The following STEAP1B variants were observed in gnomAD, a reference collection of about 807,000 sequenced individuals.
The protein encoded by STEAP1B is STEAP family protein MGC87042.
In STEAP1B, 13 loss-of-function variants were observed where a neutral mutation model predicts 27.9. The observed-to-expected ratio is 0.47, with a 90% confidence interval of 0.30 to 0.74. The LOEUF (loss-of-function observed/expected upper bound fraction) is 0.74, where lower values mean the gene tolerates loss of function less well. Ranked by LOEUF, STEAP1B falls within the 30% of genes least tolerant of loss-of-function variation. STEAP1B has a pLI of 0.06. For synonymous variants in STEAP1B, 86 were observed against 107.1 expected, an observed-to-expected ratio of 0.80 and a Z score of 1.22; for missense variants, 250 against 298.7, an observed-to-expected ratio of 0.84 and a Z score of 1.20.
intron 4 of STEAP1B, among the ~76,000 whole-genome samples, chr7:22,456,932 A>G (rs911088155): frequency 1.5e-5 from 2 of 131,988 alleles, no homozygotes; most frequent in Admixed American, 1.6e-4. Flanking sequence ...CCTGATTCAG[A>G]ATGGGGGTGG....
intron 4 of STEAP1B, among the ~76,000 whole-genome samples, chr7:22,475,145 C>T (rs1320583408): frequency 6.6e-6 from 1 of 152,182 alleles, no homozygotes; most frequent in Non-Finnish European, 1.5e-5. Flanking sequence ...TTTATCCCCA[C>T]CTAAAAATGT....
chr7:22,470,088 A>T (rs753433617), intron 4 of STEAP1B, among the ~76,000 whole-genome samples: 10 of 152,210 alleles, frequency 6.6e-5, no homozygotes, highest in Non-Finnish European at 1.2e-4. Context: ...CAATGAGTAC[A>T]TCCATTGCCC....
intron 4 of STEAP1B, among the ~76,000 whole-genome samples, chr7:22,456,974 T>TATATATATATATATATATA (rs1562573770): frequency 2.0e-5 from 1 of 50,234 alleles, no homozygotes; most frequent in African/African-American, 8.8e-5. Context: ...ATATATATAT[T>TATATATATATATATATATA]TTTTTTTTTT....
chr7:22,466,639 T>C (rs942070598), intron 4 of STEAP1B, among the ~76,000 whole-genome samples: 3 of 152,060 alleles, frequency 2.0e-5, no homozygotes, highest in Non-Finnish European at 4.4e-5. Context: ...TTGGAAACCC[T>C]AGTAAACAAT....
intron 4 of STEAP1B, among the ~76,000 whole-genome samples, chr7:22,473,468 TCTA>T (rs1423443141): frequency 6.6e-6 from 1 of 152,194 alleles, no homozygotes; most frequent in East Asian, 1.9e-4. Context: ...CAATGCCACT[TCTA>T]CTACCATCCA....
intron 3 of STEAP1B, 117 bp from the exon 4 acceptor site, chr7:22,492,846 A>C (rs1385546952): frequency 5.7e-6 from 8 of 1,411,664 alleles, no homozygotes; most frequent in Non-Finnish European, 7.4e-6. Flanking sequence ...AGGTCTCCAC[A>C]AATTTATGAC....
chr7:22,492,850 TTA>T, intron 3 of STEAP1B, 121 bp from the exon 4 acceptor site: 1 of 1,414,514 alleles, frequency 7.1e-7, no homozygotes, highest in Non-Finnish European at 9.2e-7. Context: ...CTCCACAAAT[TTA>T]TGACTTTTTC....
At chr7:22,462,248 T>C (rs997053628) in intron 4 of STEAP1B, among the ~76,000 whole-genome samples, 2 of 151,990 alleles carry the variant, frequency 1.3e-5, no homozygotes, top group Non-Finnish European at 2.9e-5. Flanking sequence ...ATTATTATTA[T>C]ACTTTAAGTT....
chr7:22,432,950 A>G (rs1037869155), intron 4 of STEAP1B, among the ~76,000 whole-genome samples: 2 of 152,210 alleles, frequency 1.3e-5, no homozygotes, highest in African/African-American at 4.8e-5. Context: ...CAGTTGCTTC[A>G]TGAGCTCAAC....
chr7:22,490,443 G>T lies in STEAP1B; in HGVS notation c.762+2122C>A, dbSNP rs114061808. Among the ~76,000 whole-genome samples, 508 of 152,212 alleles carry T rather than the reference G, an allele frequency of 3.3e-3. 5 individuals carry two copies. Among genetic ancestry groups the T allele is most frequent in the African/African-American group, 0.012 (495 of 41,518 alleles). On this transcript the variant is annotated intron_variant, in intron 4 of 4. Coordinates refer to ENST00000678116, the MANE Select transcript of STEAP1B (RefSeq NM_001382447.1). The stretch of plus-strand genomic sequence containing the variant: ...ACTAAATGGTCCATGTTTACTAAAT[G>T]ATCCATTGGTTAGATCCGTTTCCTT...
chr7:22,444,450 T>C (rs1039094887), intron 4 of STEAP1B, among the ~76,000 whole-genome samples: 15 of 152,064 alleles, frequency 9.9e-5, no homozygotes, highest in African/African-American at 3.4e-4. Flanking sequence ...AAAGAAAATA[T>C]AAATTCCTTT....
chr7:22,456,972 A>ATATATATATATATATTTT lies in STEAP1B; in HGVS notation c.762+35592_762+35593insAAAATATATATATATATA. On this transcript the variant is annotated intron_variant, in intron 4 of 4. Coordinates refer to ENST00000678116, the MANE Select transcript of STEAP1B (RefSeq NM_001382447.1). ...GGCAGCTATATATATATATATATAT[A>ATATATATATATATATTTT]TTTTTTTTTTTTTTAAGTATCCTGG... Among the ~76,000 whole-genome samples the ATATATATATATATATTTT allele has an allele frequency of 3.9e-4, 22 of 57,042 alleles. 1 individual carries two copies. Among genetic ancestry groups the ATATATATATATATATTTT allele is most frequent in the African/African-American group, 1.5e-3 (22 of 14,248 alleles). The allele number at this position is 57,042 out of a possible 152,430, so 37.4% of individuals were successfully genotyped here.
chr7:22,444,185 G>A (rs894392715), intron 4 of STEAP1B, among the ~76,000 whole-genome samples: 8 of 152,178 alleles, frequency 5.3e-5, no homozygotes, highest in African/African-American at 9.7e-5. Context: ...GACCTTTAAC[G>A]TCTCTAGGCC....
chr7:22,440,537 G>C (rs1482532925), intron 4 of STEAP1B, among the ~76,000 whole-genome samples: 1 of 152,086 alleles, frequency 6.6e-6, no homozygotes, highest in Non-Finnish European at 1.5e-5. Context: ...TGTTAAAATT[G>C]AGAATACTCC....
intron 4 of STEAP1B, among the ~76,000 whole-genome samples, chr7:22,464,777 C>G (rs1306085355): frequency 6.6e-6 from 1 of 151,076 alleles, no homozygotes; most frequent in Non-Finnish European, 1.5e-5. Flanking sequence ...ACACCTTGGT[C>G]TTGAAACTCC....
chr7:22,464,554 G>A (rs931495776), intron 4 of STEAP1B, among the ~76,000 whole-genome samples: 1 of 152,122 alleles, frequency 6.6e-6, no homozygotes, highest in Non-Finnish European at 1.5e-5. Flanking sequence ...ACCATATTTG[G>A]AGACAGTGCC....
At chr7:22,439,499 G>A (rs2528845) in intron 4 of STEAP1B, among the ~76,000 whole-genome samples, 125,381 of 152,010 alleles carry the variant, frequency 0.82, 51,791 homozygotes, top group South Asian at 0.89. Flanking sequence ...CAGGTAAAAC[G>A]TCTGACATTG....
chr7:22,499,213 T>C (rs1374403683), intron 1 of STEAP1B, among the ~76,000 whole-genome samples: 1 of 152,228 alleles, frequency 6.6e-6, no homozygotes, highest in Non-Finnish European at 1.5e-5. Context: ...TGCCCTGGTG[T>C]TCCTAAATGT....
intron 4 of STEAP1B, among the ~76,000 whole-genome samples, chr7:22,449,108 C>T (rs1785448946): frequency 7.0e-6 from 1 of 143,298 alleles, no homozygotes; most frequent in Admixed American, 7.9e-5. Flanking sequence ...ATGGGGTACC[C>T]ATCCCAAGCA....
Sources: allele counts gnomAD v4.1 joint callset (sites outside exome capture counted in the v4.1 genomes callset), GRCh38; gene constraint gnomAD v4.1.1; transcripts MANE v1.5; gene names NCBI Gene and HGNC (gene_info 2026-07-23, HGNC 2026-07-21).